Variants in SLC35E4 observed in about 807,000 individuals in gnomAD.
SLC35E4 encodes solute carrier family 35, member E4.
Under a neutral mutation model 19.3 loss-of-function variants are expected in SLC35E4, and 15 were observed. The observed-to-expected ratio is 0.78, with a 90% CI of 0.52 to 1.20. SLC35E4 has a LOEUF of 1.20. Ranked by LOEUF, SLC35E4 falls within the 50% of genes most tolerant of loss-of-function variation. The probability of loss-of-function intolerance (pLI) is 0.00; values close to 1 mark genes in which losing one functional copy is unlikely to be tolerated. For synonymous variants in SLC35E4, 219 were observed against 219.9 expected, an observed-to-expected ratio of 1.00 and a Z score of 0.04; for missense variants, 406 against 472.3, an observed-to-expected ratio of 0.86 and a Z score of 1.30.
downstream of SLC35E4, chr22:30,663,314 C>T: frequency 1.0e-6 from 1 of 952,986 alleles, no homozygotes; most frequent in Non-Finnish European, 1.6e-6. Context: ...TTTTTGTGCT[C>T]ATAAAAGGCA....
chr22:30,645,502 G>A (rs2088113486), intron 1 of SLC35E4, among the ~76,000 whole-genome samples: 1 of 150,928 alleles, frequency 6.6e-6, no homozygotes, highest in African/African-American at 2.4e-5. Flanking sequence ...GACTGAGGCA[G>A]GAGAATCACT....
chr22:30,640,823 G>A (rs894233713), intron 1 of SLC35E4, among the ~76,000 whole-genome samples: 1 of 152,098 alleles, frequency 6.6e-6, no homozygotes, highest in African/African-American at 2.4e-5. Context: ...CTCTCCCTTC[G>A]CCCTGAGATC....
downstream of SLC35E4, among the ~76,000 whole-genome samples, chr22:30,651,375 G>T (rs1397567255): frequency 0.3 from 8,657 of 28,472 alleles, 471 homozygotes; most frequent in South Asian, 0.37. Flanking sequence ...TAATTTTTGT[G>T]TGTGTGTGTG....
chr22:30,668,489 G>GA (rs2088758505), exon 3 of SLC35E4: 1 of 152,564 alleles, frequency 6.6e-6, no homozygotes, highest in Non-Finnish European at 1.5e-5. Context: ...CCTGAAGCCG[G>GA]AACTCCCTCG....
At chr22:30,653,898 C>T (rs2088276712) in intron 2 of SLC35E4, 1 of 165,522 alleles carries the variant, frequency 6.0e-6, no homozygotes, top group Non-Finnish European at 1.3e-5. Flanking sequence ...GTCCATGGGT[C>T]TTGAGGACAC....
intron 1 of SLC35E4, 106 bp from the exon 2 acceptor site, chr22:30,646,492 G>C: frequency 7.5e-7 from 1 of 1,340,970 alleles, no homozygotes; most frequent in Non-Finnish European, 1.0e-6. Flanking sequence ...AGCCCTGCCC[G>C]AGGGGTCCGG....
chr22:30,643,939 CT>C (rs2088086865), intron 1 of SLC35E4, among the ~76,000 whole-genome samples: 1 of 152,186 alleles, frequency 6.6e-6, no homozygotes, highest in Admixed American at 6.5e-5. Context: ...AATGGCTGCC[CT>C]TTCCCTGGGC....
chr22:30,642,890 T>C (rs758791088), intron 1 of SLC35E4, among the ~76,000 whole-genome samples: 1 of 150,612 alleles, frequency 6.6e-6, no homozygotes, highest in African/African-American at 2.4e-5. Flanking sequence ...AATAGCCAGG[T>C]GTGGTGGTGG....
chr22:30,666,190 C>A (rs2088652132), downstream of SLC35E4, among the ~76,000 whole-genome samples: 1 of 152,108 alleles, frequency 6.6e-6, no homozygotes, highest in Non-Finnish European at 1.5e-5. Flanking sequence ...AACTGATGTC[C>A]CCCCAAACCA....
chr22:30,639,327 A>C (rs1305258985), intron 1 of SLC35E4, among the ~76,000 whole-genome samples: 1 of 152,176 alleles, frequency 6.6e-6, no homozygotes, highest in Non-Finnish European at 1.5e-5. Context: ...AGGTAATAGA[A>C]TATCACAAGG....
In SLC35E4 at chr22:30,646,924, G is replaced by A. The variant is rs372345536; in HGVS notation, c.946G>A (p.Ala316Thr). 1.6e-5 allele frequency: 26 copies of A among 1,614,054 alleles called. No homozygotes were observed. The highest frequency in any genetic ancestry group is 6.7e-5 in the African/African-American group (5 of 74,946). ...RLSALSYVGI[A>T]LTLSGMFLYH... ...CAGTGCCCTCAGCTACGTGGGCATC[G>A]CACTCACTCTTTCAGGAATGTTCCT... Residue 316 changes from alanine to threonine, a missense_variant, in exon 2 of 2, where the codon GCA becomes ACA. Coordinates refer to ENST00000343605, the MANE Select transcript of SLC35E4 (RefSeq NM_001001479.4).
Position 30,646,645 on chromosome 22 carries a change from G to A in SLC35E4, c.667G>A (p.Ala223Thr), listed in dbSNP as rs142448568. Residue 223 changes from alanine to threonine, a missense_variant, in exon 2 of 2, where the codon GCC (alanine) becomes ACC (threonine). Ala to Thr is a moderately conservative substitution (Grantham distance 58, BLOSUM62 0). Coordinates refer to ENST00000343605, the MANE Select transcript of SLC35E4 (RefSeq NM_001001479.4). ...GCTGGACGCGGTGACCCTGCTTTAC[G>A]CCACCTCGCTGCCCAGCTTCTGCCT... ...ERLDAVTLLY[A>T]TSLPSFCLLA... The A allele has an allele frequency of 4.1e-5, 66 of 1,611,458 alleles. No individual in the cohort carries two copies. The African/African-American group carries it at 5.5e-4, about 13-fold the overall frequency.
downstream of SLC35E4, among the ~76,000 whole-genome samples, chr22:30,652,588 A>C (rs1440555594): frequency 6.6e-6 from 1 of 152,224 alleles, no homozygotes; most frequent in African/African-American, 2.4e-5. Context: ...GAGTCAATTA[A>C]GTTAGATCTC....
chr22:30,666,033 T>C (rs1602111444), downstream of SLC35E4, among the ~76,000 whole-genome samples: 3 of 152,216 alleles, frequency 2.0e-5, no homozygotes, highest in East Asian at 5.8e-4. Flanking sequence ...CTCAAATGCA[T>C]CAGGCTCATT....
chr22:30,655,855 C>G (rs1312194290), intron 2 of SLC35E4, among the ~76,000 whole-genome samples: 1 of 152,098 alleles, frequency 6.6e-6, no homozygotes, highest in Non-Finnish European at 1.5e-5. Flanking sequence ...AGAATCCACA[C>G]CTCTTAACAT....
intron 1 of SLC35E4, among the ~76,000 whole-genome samples, chr22:30,639,940 A>G (rs1569056898): frequency 2.0e-5 from 3 of 152,044 alleles, no homozygotes; most frequent in African/African-American, 7.2e-5. Context: ...GGAAATCACA[A>G]GGGTATTGGT....
downstream of SLC35E4, chr22:30,649,043 C>T (rs952158144): frequency 1.6e-6 from 1 of 623,524 alleles, no homozygotes; most frequent in Non-Finnish European, 3.0e-6. Flanking sequence ...TAACTCTCCC[C>T]AGCCAGCTAC....
At chr22:30,663,769 G>A (rs756322739), downstream of SLC35E4, 2 of 1,614,212 alleles carry the variant, frequency 1.2e-6, no homozygotes, top group Non-Finnish European at 1.7e-6. Flanking sequence ...AAGTCACAGA[G>A]ACGTGAGTTA....
rs895636760 is a variant in SLC35E4 at position 30,661,603 on chromosome 22, TTAA to T, written c.*9-456_*9-454del. ...AACTGGGATTACAGGCACCCAGCTG[TTAA>T]AAGAAAAAGCATTTGGCTTCTACTG... On this transcript the variant is annotated intron_variant, in intron 2 of 2. Coordinates refer to the SLC35E4 transcript ENST00000406566. The T allele has an allele frequency of 2.9e-3, 4 of 1,358 alleles. No individual in the cohort carries two copies. In the African/African-American group the frequency reaches 0.059, roughly 20 times the overall value. 0.1% of individuals were successfully genotyped at this position (1,358 alleles called of 1,614,324 possible).
Sources: allele counts gnomAD v4.1 joint callset (sites outside exome capture counted in the v4.1 genomes callset), GRCh38; gene constraint gnomAD v4.1.1; transcripts MANE v1.5; gene names NCBI Gene and HGNC (gene_info 2026-07-23, HGNC 2026-07-21).